The following NRXN3 variants were observed in gnomAD, a reference collection of about 807,000 sequenced individuals.
NRXN3 encodes neurexin III.
Under a neutral mutation model 137.6 loss-of-function variants are expected in NRXN3, and 32 were observed. The ratio of observed to expected loss-of-function variants is 0.23; its 90% CI spans 0.18 to 0.31. The LOEUF (loss-of-function observed/expected upper bound fraction) is 0.31. Ranked by LOEUF, NRXN3 falls within the 10% of genes least tolerant of loss-of-function variation. The probability of loss-of-function intolerance (pLI) is 1.00; values close to 1 mark genes in which losing one functional copy is unlikely to be tolerated. For missense variants in NRXN3, 1,574 were observed against 2,062.5 expected (o/e 0.76, Z 4.59); for synonymous variants, 798 against 784.5 (o/e 1.02, Z -0.29).
intron 4 of NRXN3, among the ~76,000 whole-genome samples, chr14:78,314,865 A>G (rs2078376480): frequency 7.5e-6 from 1 of 132,710 alleles, no homozygotes; most frequent in South Asian, 2.7e-4. Context: ...TATTTTGTGT[A>G]TTTTTCTTTT....
intron 1 of NRXN3, among the ~76,000 whole-genome samples, chr14:78,193,622 T>C (rs987272287): frequency 6.6e-6 from 1 of 151,906 alleles, no homozygotes; most frequent in Admixed American, 6.6e-5. Flanking sequence ...ATTAGCTGGA[T>C]GTGGTGGCGC....
At chr14:79,016,726 AC>A (rs1409857806) in intron 15 of NRXN3, among the ~76,000 whole-genome samples, 2 of 152,160 alleles carry the variant, frequency 1.3e-5, no homozygotes, top group African/African-American at 4.8e-5. Flanking sequence ...TAACTGAATG[AC>A]CCTGAGCAAA....
intron 16 of NRXN3, among the ~76,000 whole-genome samples, chr14:79,576,663 G>C (rs2097667638): frequency 6.6e-6 from 1 of 152,036 alleles, no homozygotes. Flanking sequence ...CTTCCCCGCT[G>C]ACCATGGATC....
chr14:79,622,059 G>T (rs1455252672), intron 16 of NRXN3, among the ~76,000 whole-genome samples: 1 of 152,164 alleles, frequency 6.6e-6, no homozygotes, highest in Admixed American at 6.5e-5. Context: ...CTGAATTAGG[G>T]CTGAGGAACA....
In NRXN3 at chr14:79,555,810, C is replaced by T. The variant is rs535685420; in HGVS notation, c.3444+88408C>T. Among the ~76,000 whole-genome samples, 10 of 152,270 alleles carry T rather than the reference C, an allele frequency of 6.6e-5. No individual in the cohort carries two copies. The South Asian group carries it at 1.2e-3, about 19-fold the overall frequency. On this transcript the variant is annotated intron_variant, in intron 16 of 20. Coordinates refer to ENST00000335750, the MANE Select transcript of NRXN3 (RefSeq NM_001330195.2). ...GATAACACACACTTGGATTCCGTTACGTATTTTCACCTTGCCAACTTGCTT... is the reference window on the plus strand; with the variant it reads ...GATAACACACACTTGGATTCCGTTATGTATTTTCACCTTGCCAACTTGCTT...
intron 10 of NRXN3, among the ~76,000 whole-genome samples, chr14:78,940,526 T>C (rs1159837117): frequency 6.6e-6 from 1 of 152,210 alleles, no homozygotes; most frequent in Non-Finnish European, 1.5e-5. Context: ...ATTTCTCCTT[T>C]TATCTCCAGC....
chr14:78,644,474 C>T (rs958857619), intron 4 of NRXN3, among the ~76,000 whole-genome samples: 4 of 152,154 alleles, frequency 2.6e-5, no homozygotes, highest in Non-Finnish European at 5.9e-5. Flanking sequence ...TTGAGTTTAA[C>T]AGTGGTATTG....
chr14:78,294,555 C>CAAAAA (rs199592742), intron 3 of NRXN3, among the ~76,000 whole-genome samples: 40 of 106,406 alleles, frequency 3.8e-4, no homozygotes, highest in African/African-American at 8.4e-4. Flanking sequence ...GATTCCGTCT[C>CAAAAA]AAAAAAAAAA....
At chr14:79,670,069 T>G (rs1010612137) in intron 17 of NRXN3, among the ~76,000 whole-genome samples, 1 of 152,090 alleles carries the variant, frequency 6.6e-6, no homozygotes, top group Non-Finnish European at 1.5e-5. Context: ...TGTTTTATTA[T>G]GTACTTATGT....
At chr14:78,525,678 T>A (rs1450001855) in intron 4 of NRXN3, among the ~76,000 whole-genome samples, 1 of 152,220 alleles carries the variant, frequency 6.6e-6, no homozygotes, top group East Asian at 1.9e-4. Context: ...ACCCCTGAGA[T>A]GGGTGTAACC....
At chr14:79,671,732 A>T (rs1937816186) in intron 17 of NRXN3, among the ~76,000 whole-genome samples, 1 of 152,026 alleles carries the variant, frequency 6.6e-6, no homozygotes, top group Non-Finnish European at 1.5e-5. Flanking sequence ...TGTATCTTAT[A>T]AGTTAAATAC....
chr14:79,111,841 C>T (rs1056567792), intron 15 of NRXN3, among the ~76,000 whole-genome samples: 7 of 151,786 alleles, frequency 4.6e-5, no homozygotes, highest in African/African-American at 1.7e-4. Flanking sequence ...AAAAGGAAAG[C>T]TTTGAAGAGA....
intron 16 of NRXN3, chr14:79,633,386 G>A (rs2098376315): frequency 6.6e-6 from 1 of 152,128 alleles, no homozygotes; most frequent in Admixed American, 6.5e-5. Context: ...GGACCTCTAT[G>A]GCACCTGTCT....
intron 1 of NRXN3, among the ~76,000 whole-genome samples, chr14:78,200,691 A>G (rs1344572814): frequency 6.6e-6 from 1 of 152,202 alleles, no homozygotes; most frequent in Non-Finnish European, 1.5e-5. Flanking sequence ...ATTATTATAT[A>G]ATTAAAAGTG....
At chr14:79,346,864 A>G (rs1566868037) in intron 15 of NRXN3, among the ~76,000 whole-genome samples, 1 of 152,152 alleles carries the variant, frequency 6.6e-6, no homozygotes, top group East Asian at 1.9e-4. Flanking sequence ...CAAGTTCATG[A>G]GGTCTGTGTT....
chr14:79,162,976 C>T (rs1030893945), intron 15 of NRXN3, among the ~76,000 whole-genome samples: 3 of 151,888 alleles, frequency 2.0e-5, no homozygotes, highest in African/African-American at 7.2e-5. Flanking sequence ...CACTCCCTTT[C>T]CTTCTCTTCC....
intron 8 of NRXN3, among the ~76,000 whole-genome samples, chr14:78,797,766 G>C (rs935545107): frequency 6.6e-6 from 1 of 152,130 alleles, no homozygotes; most frequent in Non-Finnish European, 1.5e-5. Context: ...AATTCCATGT[G>C]ACTGGGATGC....
intron 4 of NRXN3, among the ~76,000 whole-genome samples, chr14:78,387,872 T>A (rs1416160169): frequency 6.6e-6 from 1 of 152,200 alleles, no homozygotes; most frequent in Non-Finnish European, 1.5e-5. Flanking sequence ...CACATAGGCA[T>A]GTCATGGATG....
At chr14:78,189,102 C>T (rs182421543) in intron 1 of NRXN3, among the ~76,000 whole-genome samples, 28 of 152,286 alleles carry the variant, frequency 1.8e-4, no homozygotes, top group Non-Finnish European at 2.1e-4. Context: ...CAGTTTTCAA[C>T]TCCTTTCTTG....
Sources: gnomAD v4.1 joint callset for allele counts (sites outside exome capture counted in the v4.1 genomes callset) on GRCh38, gnomAD v4.1.1 for gene constraint, MANE v1.5 for transcripts, NCBI Gene and HGNC (gene_info 2026-07-23, HGNC 2026-07-21) for gene names.